The following FSD2 variants were observed in gnomAD, a reference collection of about 807,000 sequenced individuals.
FSD2 encodes fibronectin type III and SPRY domain containing 2.
A neutral mutation model predicts 80.4 loss-of-function variants in FSD2; 71 were observed. The observed-to-expected ratio is 0.88, with a 90% CI of 0.73 to 1.08. The LOEUF (loss-of-function observed/expected upper bound fraction) is 1.08. FSD2 is among the 50% of genes least tolerant of loss of function. FSD2 has a pLI of 0.00. For synonymous variants in FSD2, 361 were observed against 329.5 expected (o/e 1.10, Z -1.03); for missense variants, 923 against 913.8 (o/e 1.01, Z -0.13).
chr15:82,792,895 GTT>G (rs1387375738), intron 1 of FSD2, among the ~76,000 whole-genome samples: 4 of 152,062 alleles, frequency 2.6e-5, no homozygotes, highest in Non-Finnish European at 5.9e-5. Flanking sequence ...TAGTTTTGGG[GTT>G]TTTTTCTTGT....
chr15:82,773,464 A>T (rs955303947), intron 6 of FSD2, among the ~76,000 whole-genome samples: 3 of 152,134 alleles, frequency 2.0e-5, no homozygotes, highest in Admixed American at 2.0e-4. Context: ...GGAACTTTAA[A>T]CCCCTCAGGA....
intron 12 of FSD2, among the ~76,000 whole-genome samples, chr15:82,760,452 G>A (rs2049266794): frequency 6.6e-6 from 1 of 152,150 alleles, no homozygotes; most frequent in Non-Finnish European, 1.5e-5. Flanking sequence ...GCTACCTACA[G>A]ATATTTGAAG....
intron 8 of FSD2, 94 bp downstream of exon 8, chr15:82,769,656 G>T: frequency 7.1e-7 from 1 of 1,413,010 alleles, no homozygotes; most frequent in Non-Finnish European, 9.6e-7. Flanking sequence ...CTACCCTTCT[G>T]AATGAAATCA....
In FSD2 at chr15:82,778,490, A is replaced by G. The variant is rs1402066184; in HGVS notation, c.1111+276T>C. Reference sequence around the variant, plus strand: ...CTTACATGCAGTATATAAAGCAGTCAAACTCTTAGAAGCAGAGAACGGAAT... The same window carrying G: ...CTTACATGCAGTATATAAAGCAGTCGAACTCTTAGAAGCAGAGAACGGAAT... On this transcript the variant is annotated intron_variant, in intron 6 of 12. Transcript: ENST00000334574. Among the ~76,000 whole-genome samples, 3 of 152,120 alleles carry G rather than the reference A, an allele frequency of 2.0e-5. No homozygotes were observed. In the East Asian group the frequency reaches 5.8e-4, roughly 29 times the overall value.
intron 7 of FSD2, among the ~76,000 whole-genome samples, chr15:82,771,175 C>A (rs538922230): frequency 6.6e-6 from 1 of 152,340 alleles, no homozygotes; most frequent in African/African-American, 2.4e-5. Flanking sequence ...TGGTCTGGTA[C>A]AATGAGCAGA....
In FSD2 at chr15:82,790,544, T is replaced by TTGTGTGTGTGTGTGTGTG. The variant is rs57545404; in HGVS notation, c.-78-3094_-78-3077dup. Among the ~76,000 whole-genome samples, 608 of 148,780 alleles carry TTGTGTGTGTGTGTGTGTG rather than the reference T, an allele frequency of 4.1e-3. 1 individual carries two copies. Among genetic ancestry groups the TTGTGTGTGTGTGTGTGTG allele is most frequent in the African/African-American group, 0.01 (415 of 40,460 alleles). ...TTTCTTCCTGGCACAGAGCTGCCATTTGTGTGTGTGTGTGTGTGTGTGTTC... is the reference window on the plus strand; with the variant it reads ...TTTCTTCCTGGCACAGAGCTGCCATTTGTGTGTGTGTGTGTGTGTGTGTGTGTGTGTGTGTGTGTGTTC... On this transcript the variant is annotated intron_variant, in intron 1 of 12. Transcript: ENST00000334574.
At chr15:82,793,720 G>A (rs1172035530) in intron 1 of FSD2, among the ~76,000 whole-genome samples, 2 of 151,816 alleles carry the variant, frequency 1.3e-5, no homozygotes, top group Admixed American at 6.6e-5. Context: ...GGTCTGTTTT[G>A]GGACTTTGTG....
rs754592419 is a variant in FSD2 at position 82,787,260 on chromosome 15, C to A, written c.131G>T (p.Arg44Met). ...GGCCATTTCAGCTTGGACTACTTTC[C>A]TCATCCTAGTGTTCTCTTCTGGAAA... ...HLFPEENTRM[R>M]KVVQAEMANE... Residue 44 changes from arginine (R) to methionine (M), a missense_variant, in exon 2 of 13, where the codon AGG (arginine) becomes ATG (methionine). Physicochemically the swap from Arg to Met is moderately conservative, Grantham distance 91 (BLOSUM62 -1). Coordinates refer to ENST00000334574, the MANE Select transcript of FSD2 (RefSeq NM_001007122.4). The A allele has an allele frequency of 6.2e-7, 1 of 1,613,910 alleles. No homozygotes were observed. The highest frequency in any genetic ancestry group is 8.5e-7 in the Non-Finnish European group (1 of 1,179,884).
Position 82,787,275 on chromosome 15 carries a change from T to C in FSD2, c.116A>G (p.Glu39Gly), listed in dbSNP as rs1468978489. ...SEDRLHLFPE[E>G]NTRMRKVVQA... ...GACTACTTTCCTCATCCTAGTGTTC[T>C]CTTCTGGAAAGAGGTGCAGTCTGTC... Residue 39 changes from glutamate (E) to glycine (G), a missense_variant, in exon 2 of 13, where the codon GAG becomes GGG. Physicochemically the swap from Glu to Gly is moderately conservative, Grantham distance 98. Coordinates refer to ENST00000334574, the MANE Select transcript of FSD2 (RefSeq NM_001007122.4). 1 of 1,613,926 alleles carries C rather than the reference T, an allele frequency of 6.2e-7. No homozygotes were observed. The highest frequency in any genetic ancestry group is 1.1e-5 in the South Asian group (1 of 91,080).
chr15:82,760,214 T>C (rs908048893), intron 12 of FSD2, among the ~76,000 whole-genome samples: 1 of 152,232 alleles, frequency 6.6e-6, no homozygotes, highest in Non-Finnish European at 1.5e-5. Context: ...TTTTAAAATT[T>C]GGATTAGACA....
chr15:82,799,731 C>T (rs2050365204), intron 1 of FSD2, among the ~76,000 whole-genome samples: 1 of 152,208 alleles, frequency 6.6e-6, no homozygotes, highest in Non-Finnish European at 1.5e-5. Context: ...CTCCTCCTCT[C>T]AATAAGGTTT....
rs1196568207 is a variant in FSD2 at position 82,766,074 on chromosome 15, A to G, written c.1554-43T>C. On this transcript the variant is annotated intron_variant, in intron 9 of 12. Coordinates refer to ENST00000334574, the MANE Select transcript of FSD2 (RefSeq NM_001007122.4). ...GCTGCAGTCAGAATGGGGCTAGGAC[A>G]CCCAGGCCCAAGCACCAGGCATCCC... The G allele has an allele frequency of 2.0e-6, 3 of 1,517,946 alleles. No individual in the cohort carries two copies. In the East Asian group the frequency reaches 7.4e-5, roughly 37 times the overall value. 94.0% of individuals were successfully genotyped at this position (1,517,946 alleles called of 1,614,324 possible).
intron 8 of FSD2, among the ~76,000 whole-genome samples, chr15:82,769,307 C>G (rs993585839): frequency 6.6e-6 from 1 of 152,092 alleles, no homozygotes; most frequent in Non-Finnish European, 1.5e-5. Flanking sequence ...CAGTGGCTCA[C>G]GCCTGTGATC....
intron 1 of FSD2, among the ~76,000 whole-genome samples, chr15:82,793,195 A>G (rs1205521278): frequency 6.6e-6 from 1 of 152,018 alleles, no homozygotes; most frequent in East Asian, 1.9e-4. Context: ...TCCCAGGTCC[A>G]TGTGATTTTC....
chr15:82,797,345 A>T (rs1200917457), intron 1 of FSD2, among the ~76,000 whole-genome samples: 1 of 152,260 alleles, frequency 6.6e-6, no homozygotes, highest in Non-Finnish European at 1.5e-5. Context: ...TACGTAGCTA[A>T]GCAAGGTTGC....
intron 1 of FSD2, among the ~76,000 whole-genome samples, chr15:82,790,963 A>G (rs1468938334): frequency 6.6e-6 from 1 of 151,862 alleles, no homozygotes; most frequent in African/African-American, 2.4e-5. Flanking sequence ...CCTGTTAAAA[A>G]TGTATACTTT....
chr15:82,803,879 C>T (rs539711266), intron 1 of FSD2, among the ~76,000 whole-genome samples: 1 of 152,262 alleles, frequency 6.6e-6, no homozygotes, highest in East Asian at 1.9e-4. Context: ...GGAAGTATGA[C>T]TTCAGGAAAA....
At chr15:82,765,104 C>T (rs1161012461) in intron 11 of FSD2, 62 bp downstream of exon 11, 1 of 1,507,526 alleles carries the variant, frequency 6.6e-7, no homozygotes, top group African/African-American at 1.4e-5. Flanking sequence ...CGGATTTGAC[C>T]TGAATAACAG....
chr15:82,782,330 G>A (rs2049885794), intron 4 of FSD2, among the ~76,000 whole-genome samples: 1 of 151,824 alleles, frequency 6.6e-6, no homozygotes. Flanking sequence ...AACCCAGGAG[G>A]CAGAGCTGGC....
Sources: gnomAD v4.1 joint callset for allele counts (sites outside exome capture counted in the v4.1 genomes callset) on GRCh38, gnomAD v4.1.1 for gene constraint, MANE v1.5 for transcripts, NCBI Gene and HGNC (gene_info 2026-07-23, HGNC 2026-07-21) for gene names.